Variants in RAB20 observed in about 807,000 individuals in gnomAD.
RAB20 encodes the protein RAB20, member RAS oncogene family.
In RAB20, 2 loss-of-function variants were observed where a neutral mutation model predicts 3.7. The observed-to-expected ratio is 0.54, with a 90% CI of 0.22 to 1.69. The LOEUF (loss-of-function observed/expected upper bound fraction) is 1.69, where lower values mean the gene tolerates loss of function less well. Ranked by LOEUF, RAB20 falls within the 40% of genes most tolerant of loss-of-function variation. RAB20 has a pLI of 0.19. For missense variants in RAB20, 276 were observed against 311.9 expected (o/e 0.88, Z 0.87); for synonymous variants, 126 against 130.8 (o/e 0.96, Z 0.25).
chr13:110,544,763 C>T (rs1884822953), intron 1 of RAB20, among the ~76,000 whole-genome samples: 1 of 152,184 alleles, frequency 6.6e-6, no homozygotes, highest in Non-Finnish European at 1.5e-5. Flanking sequence ...AAGCGCCTCA[C>T]CGAGGGAAAG....
chr13:110,551,539 G>C (rs1476404990), intron 1 of RAB20, among the ~76,000 whole-genome samples: 10 of 152,164 alleles, frequency 6.6e-5, no homozygotes, highest in African/African-American at 2.2e-4. Flanking sequence ...CCCTCAGTGA[G>C]GTGCAGAAGA....
intron 1 of RAB20, among the ~76,000 whole-genome samples, chr13:110,557,227 G>A (rs927232209): frequency 2.0e-5 from 3 of 152,234 alleles, no homozygotes; most frequent in African/African-American, 7.2e-5. Context: ...GTGCCCCACA[G>A]CTGTGAGGGA....
intron 1 of RAB20, among the ~76,000 whole-genome samples, chr13:110,544,224 G>A (rs1884815141): frequency 6.6e-6 from 1 of 152,144 alleles, no homozygotes; most frequent in Non-Finnish European, 1.5e-5. Context: ...ATTTGTTTCT[G>A]GGCACTCTAC....
At chr13:110,527,798 A>G (rs1175335482) in intron 1 of RAB20, among the ~76,000 whole-genome samples, 1 of 152,078 alleles carries the variant, frequency 6.6e-6, no homozygotes, top group African/African-American at 2.4e-5. Flanking sequence ...CCAATACAGC[A>G]GGCATTAGCT....
chr13:110,545,025 C>T (rs1241947473), intron 1 of RAB20, among the ~76,000 whole-genome samples: 1 of 152,148 alleles, frequency 6.6e-6, no homozygotes, highest in Non-Finnish European at 1.5e-5. Context: ...TCTCTTGCCG[C>T]CACCATGTAA....
intron 1 of RAB20, among the ~76,000 whole-genome samples, chr13:110,543,111 G>C (rs1028634516): frequency 1.3e-5 from 2 of 152,066 alleles, no homozygotes; most frequent in Non-Finnish European, 2.9e-5. Flanking sequence ...TGTCTATTCA[G>C]TTCAGGACCT....
chr13:110,543,798 C>T (rs1301968867), intron 1 of RAB20, among the ~76,000 whole-genome samples: 6 of 129,118 alleles, frequency 4.6e-5, no homozygotes, highest in East Asian at 2.2e-4. Flanking sequence ...TTTTTTGAGA[C>T]GGAGTCTCAC....
chr13:110,555,346 G>C lies in RAB20; in HGVS notation c.172+6002C>G, dbSNP rs71440074. ...CAACACTCAAAAACTTCCTGGGACT[G>C]GGGCTCCAGTCCTCTCCATTCCACA... is the stretch of plus-strand genomic sequence containing the variant. On this transcript the variant is annotated intron_variant, in intron 1 of 1. Transcript: ENST00000267328. The surrounding 1 kb of genome is among the most constrained non-coding windows in gnomAD (Gnocchi z 4.0). Among the ~76,000 whole-genome samples the C allele has an allele frequency of 0.014, 2,071 of 152,290 alleles. 22 individuals carry two copies. Among genetic ancestry groups the C allele is most frequent in the Middle Eastern group, 0.024 (7 of 294 alleles).
chr13:110,523,457 C>A lies in RAB20; in HGVS notation c.*208G>T. ...GGCTTTGCAGAGGATTCCTGTTTCC[C>A]ACCTCCCCACCCCTCTGACAGAGAC... On this transcript the variant is annotated 3_prime_UTR_variant, in exon 2 of 2. Transcript: ENST00000267328. 1 of 1,006,354 alleles carries A rather than the reference C, an allele frequency of 9.9e-7. No individual in the cohort carries two copies. Among genetic ancestry groups the A allele is most frequent in the Non-Finnish European group, 1.4e-6 (1 of 711,580 alleles). 62.3% of individuals were successfully genotyped at this position (1,006,354 alleles called of 1,614,324 possible).
At chr13:110,536,945 A>C (rs1435203458) in intron 1 of RAB20, among the ~76,000 whole-genome samples, 1 of 56,164 alleles carries the variant, frequency 1.8e-5, no homozygotes, top group Non-Finnish European at 3.2e-5. Flanking sequence ...CCACCCCACA[A>C]CAGGCCCCGC....
intron 1 of RAB20, among the ~76,000 whole-genome samples, chr13:110,548,082 A>AC (rs1884886923): frequency 6.6e-6 from 1 of 152,200 alleles, no homozygotes; most frequent in Non-Finnish European, 1.5e-5. Context: ...CAAATAGGAA[A>AC]CCTGGTCAAC....
chr13:110,546,218 T>C (rs550436375), intron 1 of RAB20, among the ~76,000 whole-genome samples: 1 of 152,232 alleles, frequency 6.6e-6, no homozygotes, highest in South Asian at 2.1e-4. Flanking sequence ...CTGGGCTCCC[T>C]GCACATCTGT....
intron 1 of RAB20, among the ~76,000 whole-genome samples, chr13:110,540,490 C>A (rs1209863928): frequency 6.6e-6 from 1 of 152,174 alleles, no homozygotes; most frequent in East Asian, 1.9e-4. Context: ...TGCCTGTAAT[C>A]CCAGCACTTT....
intron 1 of RAB20, among the ~76,000 whole-genome samples, chr13:110,529,885 C>T (rs749534329): frequency 5.3e-5 from 8 of 152,182 alleles, no homozygotes; most frequent in Non-Finnish European, 1.0e-4. Context: ...GTAGCAAATC[C>T]GTAAGTGATC....
At chr13:110,551,302 C>CA (rs1462251524) in intron 1 of RAB20, among the ~76,000 whole-genome samples, 1 of 152,164 alleles carries the variant, frequency 6.6e-6, no homozygotes, top group African/African-American at 2.4e-5. Context: ...CTACAAAGAC[C>CA]AAGAAATGCT....
chr13:110,534,612 TC>T (rs1292374307), intron 1 of RAB20, among the ~76,000 whole-genome samples: 1 of 152,150 alleles, frequency 6.6e-6, no homozygotes, highest in African/African-American at 2.4e-5. Flanking sequence ...CATTGAGGGT[TC>T]CTTGCCCGGG....
At chr13:110,524,946 T>C (rs889322161) in intron 1 of RAB20, among the ~76,000 whole-genome samples, 6 of 152,222 alleles carry the variant, frequency 3.9e-5, no homozygotes, top group African/African-American at 1.4e-4. Flanking sequence ...GTGCGGGCAA[T>C]TGCAGGCAAG....
At chr13:110,534,283 C>A (rs1408037495) in intron 1 of RAB20, among the ~76,000 whole-genome samples, 1 of 152,216 alleles carries the variant, frequency 6.6e-6, no homozygotes, top group Admixed American at 6.5e-5. Context: ...TCTGTCAGGT[C>A]TGTTTCTCTG....
intron 1 of RAB20, among the ~76,000 whole-genome samples, chr13:110,532,900 T>TG (rs1275864689): frequency 6.6e-6 from 1 of 152,182 alleles, no homozygotes; most frequent in East Asian, 1.9e-4. Flanking sequence ...AGGCTGGTCT[T>TG]GAACTCCTGG....
Sources: gnomAD v4.1 joint callset for allele counts (sites outside exome capture counted in the v4.1 genomes callset) on GRCh38, gnomAD v4.1.1 for gene constraint, Gnocchi (gnomAD v3.1) non-coding constraint, MANE v1.5 for transcripts, NCBI Gene and HGNC (gene_info 2026-07-23, HGNC 2026-07-21) for gene names.